LAMA5: variants seen among roughly 807,000 people sequenced by gnomAD.
LAMA5 encodes laminin subunit alpha-5.
In LAMA5, 260 loss-of-function variants were observed where a neutral mutation model predicts 433.4. The observed-to-expected ratio is 0.60, with a 90% CI of 0.54 to 0.66. LAMA5 has a LOEUF of 0.66. LAMA5 is among the 30% of genes least tolerant of loss of function. The pLI, the probability that LAMA5 is intolerant of heterozygous loss-of-function variation, is 0.00. For missense variants in LAMA5, 5,378 were observed against 5,258.5 expected, an observed-to-expected ratio of 1.02 and a Z score of -0.70; for synonymous variants, 2,620 against 2,226.6, an observed-to-expected ratio of 1.18 and a Z score of -4.97.
intron 57 of LAMA5, chr20:62,316,419 T>C (rs1986937186): frequency 5.7e-6 from 3 of 525,840 alleles, no homozygotes; most frequent in African/African-American, 3.8e-5. Flanking sequence ...TCTTGCCCTG[T>C]GCCCTGTGGC....
chr20:62,328,670 CCTT>C (rs1406085487), intron 34 of LAMA5, among the ~76,000 whole-genome samples, 171 bp downstream of exon 34: 2 of 152,228 alleles, frequency 1.3e-5, no homozygotes, highest in African/African-American at 2.4e-5. Context: ...GTCCCTGAAA[CCTT>C]CTGCATGGCC....
At chr20:62,336,883 G>T in intron 16 of LAMA5, 97 bp from the exon 17 acceptor site, 2 of 1,230,892 alleles carry the variant, frequency 1.6e-6, no homozygotes, top group Non-Finnish European at 2.3e-6. Context: ...TCCCACAGGA[G>T]CTGAGGACCA....
intron 11 of LAMA5, among the ~76,000 whole-genome samples, chr20:62,344,203 C>A (rs1983022413): frequency 6.7e-6 from 1 of 149,096 alleles, no homozygotes. Flanking sequence ...AGACCCCACT[C>A]ACTGGGAAAG....
At position 62,310,072 on chromosome 20, in the gene LAMA5, G is replaced by GCAGCA. The variant is rs778178425; in HGVS notation, c.10739_10743dup (p.Arg3582CysfsTer15). 13 of 1,610,572 alleles carry GCAGCA rather than the reference G, an allele frequency of 8.1e-6. No individual in the cohort carries two copies. Among genetic ancestry groups the GCAGCA allele is most frequent in the Non-Finnish European group, 9.3e-6 (11 of 1,179,528 alleles). ...AACTCCCCTGCTCCGTCATCCGCCCGCAGCAGGACCTGGCGGGGTAGGAAG... is the reference window on the plus strand; with the variant it reads ...AACTCCCCTGCTCCGTCATCCGCCCGCAGCACAGCAGGACCTGGCGGGGTAGGAAG... On this transcript the variant is annotated frameshift_variant, in exon 78 of 80. Transcript: ENST00000252999. LOFTEE classifies it high-confidence loss of function.
chr20:62,347,719 C>A (rs1394248376), intron 6 of LAMA5, among the ~76,000 whole-genome samples: 1 of 152,182 alleles, frequency 6.6e-6, no homozygotes, highest in African/African-American at 2.4e-5. Flanking sequence ...ATTAGCCAGA[C>A]CACAGCGGGA....
At chr20:62,363,741 T>TAGG (rs1184987172) in intron 1 of LAMA5, among the ~76,000 whole-genome samples, 2 of 151,974 alleles carry the variant, frequency 1.3e-5, no homozygotes, top group African/African-American at 2.4e-5. Context: ...GACCTCATCC[T>TAGG]AGGAGGAGGA....
intron 32 of LAMA5, 22 bp downstream of exon 32, chr20:62,329,755 C>A: frequency 6.2e-7 from 1 of 1,611,362 alleles, no homozygotes; most frequent in Non-Finnish European, 8.5e-7. Context: ...GGTCCCTGAG[C>A]AGGACATCAG....
Position 62,330,815 on chromosome 20 carries a change from T to C in LAMA5, c.3780A>G (p.Pro1260=). 2 of 1,554,188 alleles carry C rather than the reference T, an allele frequency of 1.3e-6. No individual in the cohort carries two copies. Among genetic ancestry groups the C allele is most frequent in the Non-Finnish European group, 1.7e-6 (2 of 1,150,138 alleles). The part of the protein sequence containing the change: ...HAQDLTPAMS[P]AGPRPRPPTA... The stretch of plus-strand genomic sequence containing the variant: ...TGGGGGGCCGAGGTCGGGGTCCAGC[T>C]GGGGACATGGCTGGAGTGAGATCCT... Residue 1260 remains proline, a synonymous_variant, in exon 30 of 80, where the codon CCA becomes CCG. Transcript: ENST00000252999.
Position 62,324,330 on chromosome 20 carries a change from C to G in LAMA5, c.5643+111G>C. On this transcript the variant is annotated intron_variant, in intron 42 of 79. Transcript: ENST00000252999. This position sits in a 1 kb window ranked among gnomAD's most constrained non-coding sequence, Gnocchi z 4.4. ...CCAGATGGTCCCCCACTGGGCAACA[C>G]CCTTCCCCAGACCTCAGTTGACCTG... 1.3e-5 allele frequency: 19 copies of G among 1,435,362 alleles called. No individual in the cohort carries two copies. Among genetic ancestry groups the G allele is most frequent in the Non-Finnish European group, 1.7e-5 (18 of 1,045,172 alleles). 88.9% of individuals were successfully genotyped at this position (1,435,362 alleles called of 1,614,324 possible).
chr20:62,312,224 G>A lies in LAMA5; in HGVS notation c.9453C>T (p.Phe3151=), dbSNP rs748903516. Residue 3151 remains phenylalanine, a synonymous_variant, in exon 69 of 80, where the codon TTC becomes TTT. Coordinates refer to ENST00000252999, the MANE Select transcript of LAMA5 (RefSeq NM_005560.6). ...CACTGTCCTGGGCGCTGTGGAAGCC[G>A]AAGCCGGAGTAGACGTTGCCAGTGA... ...APLTGNVYSG[F]GFHSAQDSAL... 59 of 1,610,336 alleles carry A rather than the reference G, an allele frequency of 3.7e-5. No homozygotes were observed. The South Asian group carries it at 3.9e-4, about 11-fold the overall frequency.
At chr20:62,321,971 G>A (rs1283415791) in intron 48 of LAMA5, 48 bp downstream of exon 48, 1 of 1,563,510 alleles carries the variant, frequency 6.4e-7, no homozygotes, top group Non-Finnish European at 8.7e-7. Context: ...TGTGGGACTT[G>A]GATTCCTACT....
Position 62,309,817 on chromosome 20 carries a change from A to C in LAMA5, c.10847T>G (p.Val3616Gly). The C allele has an allele frequency of 6.2e-7, 1 of 1,611,510 alleles. No homozygotes were observed. The highest frequency in any genetic ancestry group is 8.5e-7 in the Non-Finnish European group (1 of 1,179,542). The change falls in exon 79 of 80, where the codon GTG (valine) becomes GGG (glycine). Residue 3616 changes from valine to glycine, a missense_variant. Physicochemically the swap from Val to Gly is moderately radical, Grantham distance 109 (BLOSUM62 -3). Transcript: ENST00000252999. ...CTGCGCGTCCACCTCCAGCCGGAGC[A>C]CATTCCCGCTTTTCATCACTGGGAG... ...HRLAVMKSGN[V>G]LRLEVDAQSN...
At position 62,328,926 on chromosome 20, in the gene LAMA5, G is replaced by A. The variant is rs901015936; in HGVS notation, c.4365C>T (p.Gly1455=). The A allele has an allele frequency of 6.2e-7, 1 of 1,611,332 alleles. No individual in the cohort carries two copies. Among genetic ancestry groups the A allele is most frequent in the Non-Finnish European group, 8.5e-7 (1 of 1,178,956 alleles). The stretch of plus-strand genomic sequence containing the variant: ...TGACATGGGCATGGCAGGGACACTG[G>A]CCCCCGAAGGGCTCACACGTGGGGC... ...ATGPTCEPFG[G]QCPCHAHVIG... The change falls in exon 34 of 80, where the codon GGC becomes GGT. Residue 1455 remains glycine (G), a synonymous_variant. Transcript: ENST00000252999.
chr20:62,313,658 A>G lies in LAMA5; in HGVS notation c.8649T>C (p.Ser2883=), dbSNP rs1415713525. The change falls in exon 63 of 80, where the codon AGT becomes AGC. Residue 2883 remains serine, a synonymous_variant. Transcript: ENST00000252999. The part of the protein sequence containing the change: ...DFVFYVGGYP[S]TFTPPPLLRF... ...GGCCGGGCGGGCTCACCGTGAAGGTACTGGGGTACCCCCCGACGTAGAAGA... is the reference window on the plus strand; with the variant it reads ...GGCCGGGCGGGCTCACCGTGAAGGTGCTGGGGTACCCCCCGACGTAGAAGA... 3.1e-6 allele frequency: 5 copies of G among 1,612,700 alleles called. No homozygotes were observed. Among genetic ancestry groups the G allele is most frequent in the Non-Finnish European group, 4.2e-6 (5 of 1,179,926 alleles).
At chr20:62,331,003 C>T (rs1005212355) in intron 29 of LAMA5, 29 bp downstream of exon 29, 1 of 1,580,816 alleles carries the variant, frequency 6.3e-7, no homozygotes, top group Non-Finnish European at 8.6e-7. Flanking sequence ...CTCGGCCGCG[C>T]CCCTCCCAGC....
chr20:62,313,352 T>C lies in LAMA5; in HGVS notation c.8767A>G (p.Thr2923Ala). 6.4e-7 allele frequency: 1 copy of C among 1,574,202 alleles called. No homozygotes were observed. Among genetic ancestry groups the C allele is most frequent in the Non-Finnish European group, 8.6e-7 (1 of 1,160,346 alleles). The change falls in exon 64 of 80, where the codon ACG (threonine) becomes GCG (alanine). Residue 2923 changes from threonine (T) to alanine (A), a missense_variant. Thr to Ala is a moderately conservative substitution (Grantham distance 58). Transcript: ENST00000252999. ...YNFERTFQLD[T>A]AVDRPCARSK... ...CGGGCACAAGGCCTGTCCACAGCCG[T>C]GTCCAGCTGGAAGGTCCTCTCGAAG...
rs980084473 is a variant in LAMA5 at position 62,332,993 on chromosome 20, C to T, written c.3282+97G>A. On this transcript the variant is annotated intron_variant, in intron 26 of 79. Transcript: ENST00000252999. ...TGCTGGGCTCCATTGCCTGAGGCAG[C>T]GCCCTGCTCCTATAACCTGCCACCG... 17 of 1,307,276 alleles carry T rather than the reference C, an allele frequency of 1.3e-5. No homozygotes were observed. The South Asian group carries it at 1.4e-4, about 11-fold the overall frequency. The allele number at this position is 1,307,276 out of a possible 1,614,324, so 81.0% of individuals were successfully genotyped here. A position where few individuals can be genotyped will look rare whatever the true frequency, so the allele number is the denominator to read the frequency against.
chr20:62,327,742 G>A, intron 36 of LAMA5, 73 bp from the exon 37 acceptor site: 1 of 1,591,706 alleles, frequency 6.3e-7, no homozygotes, highest in Non-Finnish European at 8.6e-7. Context: ...GTACCCACCT[G>A]CCAATGGGGA....
chr20:62,331,952 T>C (rs981477486), intron 28 of LAMA5, among the ~76,000 whole-genome samples: 1 of 151,562 alleles, frequency 6.6e-6, no homozygotes. Context: ...CTTGGGAGAC[T>C]GAGGCACGAG....
Sources: gnomAD v4.1 joint callset for allele counts (sites outside exome capture counted in the v4.1 genomes callset) on GRCh38, gnomAD v4.1.1 for gene constraint, Gnocchi (gnomAD v3.1) non-coding constraint, MANE v1.5 for transcripts, NCBI Gene and HGNC (gene_info 2026-07-23, HGNC 2026-07-21) for gene names.